The following ARHGAP10 variants were observed in gnomAD, a reference collection of about 807,000 sequenced individuals.
ARHGAP10 encodes Rho GTPase activating protein 10.
Under a neutral mutation model 108.6 loss-of-function variants are expected in ARHGAP10, and 87 were observed. The ratio of observed to expected loss-of-function variants is 0.80; its 90% CI spans 0.67 to 0.96. ARHGAP10 has a LOEUF of 0.96. Among genes scored for constraint, ARHGAP10 ranks in the 40% least tolerant of loss-of-function variants. The probability of loss-of-function intolerance (pLI) is 0.00; values close to 1 mark genes in which losing one functional copy is unlikely to be tolerated. For missense variants in ARHGAP10, 939 were observed against 954.5 expected, an observed-to-expected ratio of 0.98 and a Z score of 0.21; for synonymous variants, 347 against 341.1, an observed-to-expected ratio of 1.02 and a Z score of -0.19.
At chr4:147,788,184 C>T (rs1199507256) in intron 1 of ARHGAP10, among the ~76,000 whole-genome samples, 1 of 152,006 alleles carries the variant, frequency 6.6e-6, no homozygotes, top group Non-Finnish European at 1.5e-5. Flanking sequence ...TGGTGGCTTG[C>T]ACGTGTAATC....
intron 10 of ARHGAP10, among the ~76,000 whole-genome samples, chr4:147,899,985 A>T (rs3990920): frequency 0.71 from 107,320 of 151,848 alleles, 44,084 homozygotes; most frequent in Non-Finnish European, 0.92. Context: ...TTCACTTAAG[A>T]GCTACTCTGT....
intron 1 of ARHGAP10, among the ~76,000 whole-genome samples, chr4:147,801,774 A>G (rs1297018896): frequency 1.3e-5 from 2 of 152,220 alleles, no homozygotes; most frequent in East Asian, 3.8e-4. Flanking sequence ...TGTTTACTCC[A>G]CAGACATCAG....
At chr4:148,016,783 TTC>T (rs1044937749) in intron 18 of ARHGAP10, among the ~76,000 whole-genome samples, 1 of 152,118 alleles carries the variant, frequency 6.6e-6, no homozygotes, top group Non-Finnish European at 1.5e-5. Flanking sequence ...CCTCCAGAAA[TTC>T]TGACTGGCTT....
At chr4:148,019,324 A>G (rs921787311) in intron 18 of ARHGAP10, among the ~76,000 whole-genome samples, 3 of 152,234 alleles carry the variant, frequency 2.0e-5, no homozygotes, top group Admixed American at 1.3e-4. Context: ...AATAGCTACT[A>G]TTTATTTCTG....
intron 20 of ARHGAP10, 119 bp from the exon 21 acceptor site, chr4:148,063,029 C>A (rs1578841339): frequency 2.4e-6 from 3 of 1,269,256 alleles, no homozygotes; most frequent in Non-Finnish European, 3.3e-6. Flanking sequence ...GACTCTGTCC[C>A]TACTGGTCAG....
intron 3 of ARHGAP10, among the ~76,000 whole-genome samples, chr4:147,845,957 G>A (rs1733613801): frequency 6.6e-6 from 1 of 152,208 alleles, no homozygotes; most frequent in South Asian, 2.1e-4. Flanking sequence ...GGTCTAAAAT[G>A]TAGAGAGGAT....
intron 18 of ARHGAP10, among the ~76,000 whole-genome samples, chr4:147,979,847 AT>A (rs1739744036): frequency 6.6e-6 from 1 of 152,114 alleles, no homozygotes; most frequent in Admixed American, 6.6e-5. Context: ...GATGTTACTG[AT>A]ATAAAGAAAT....
At chr4:147,938,896 T>A (rs1738057355) in intron 13 of ARHGAP10, among the ~76,000 whole-genome samples, 1 of 152,214 alleles carries the variant, frequency 6.6e-6, no homozygotes, top group Non-Finnish European at 1.5e-5. Context: ...TATGAAAATT[T>A]TCAAGCATAA....
At chr4:147,924,609 A>T (rs1274583962) in intron 13 of ARHGAP10, among the ~76,000 whole-genome samples, 1 of 152,224 alleles carries the variant, frequency 6.6e-6, no homozygotes, top group Non-Finnish European at 1.5e-5. Flanking sequence ...CAGAGTAGGC[A>T]TGCTAGGCTT....
Position 147,857,657 on chromosome 4 carries a change from A to G in ARHGAP10, c.486+3A>G, listed in dbSNP as rs934042607. The G allele has an allele frequency of 1.1e-5, 16 of 1,453,988 alleles. No individual in the cohort carries two copies. Among genetic ancestry groups the G allele is most frequent in the Non-Finnish European group, 1.4e-5 (15 of 1,101,764 alleles). 90.1% of individuals were successfully genotyped at this position (1,453,988 alleles called of 1,614,324 possible). On this transcript the variant is annotated splice_donor_region_variant and intron_variant, in intron 5 of 22. Transcript: ENST00000336498. ...AGAAAGACTCACATTTACAAGAGGT[A>G]TAATTTTTTATTTTTCTGTTACGTT...
At chr4:147,815,767 G>A (rs1732217689) in intron 1 of ARHGAP10, among the ~76,000 whole-genome samples, 1 of 152,160 alleles carries the variant, frequency 6.6e-6, no homozygotes, top group African/African-American at 2.4e-5. Flanking sequence ...TCAAGAGGTT[G>A]AGGTGGGAGT....
chr4:147,787,453 G>GT (rs1730932129), intron 1 of ARHGAP10, among the ~76,000 whole-genome samples: 1 of 18,764 alleles, frequency 5.3e-5, no homozygotes, highest in East Asian at 0.017. Context: ...TGATGGAAGC[G>GT]GTGGGGGAGG....
At chr4:147,773,885 C>T (rs1332029612) in intron 1 of ARHGAP10, among the ~76,000 whole-genome samples, 1 of 152,046 alleles carries the variant, frequency 6.6e-6, no homozygotes, top group East Asian at 1.9e-4. Flanking sequence ...TTCTTTAGTC[C>T]TTGATTTGTT....
At chr4:148,068,931 G>A (rs1382948589) in intron 22 of ARHGAP10, among the ~76,000 whole-genome samples, 1 of 152,196 alleles carries the variant, frequency 6.6e-6, no homozygotes, top group Non-Finnish European at 1.5e-5. Flanking sequence ...TGGTCTAAAG[G>A]CTGTGAGGAC....
At chr4:148,011,065 A>G (rs1039985636) in intron 18 of ARHGAP10, among the ~76,000 whole-genome samples, 1 of 152,238 alleles carries the variant, frequency 6.6e-6, no homozygotes, top group Non-Finnish European at 1.5e-5. Context: ...CTTCACAATT[A>G]GATTCAAGTT....
intron 9 of ARHGAP10, among the ~76,000 whole-genome samples, chr4:147,880,983 T>A (rs886394332): frequency 6.6e-6 from 1 of 152,166 alleles, no homozygotes; most frequent in Non-Finnish European, 1.5e-5. Context: ...CCTTTGAAAA[T>A]TAACATTTGG....
At chr4:147,798,682 G>A (rs1413435722) in intron 1 of ARHGAP10, among the ~76,000 whole-genome samples, 1 of 150,184 alleles carries the variant, frequency 6.7e-6, no homozygotes, top group Non-Finnish European at 1.5e-5. Flanking sequence ...AGCACTTTGG[G>A]AGGCCAAGGT....
chr4:148,009,203 C>T (rs559261088), intron 18 of ARHGAP10, among the ~76,000 whole-genome samples: 31 of 151,604 alleles, frequency 2.0e-4, no homozygotes, highest in South Asian at 8.3e-4. Context: ...TAATATAGGC[C>T]CACTGCAACC....
intron 20 of ARHGAP10, among the ~76,000 whole-genome samples, chr4:148,055,417 G>A (rs963038338): frequency 1.3e-5 from 2 of 152,142 alleles, no homozygotes; most frequent in Non-Finnish European, 1.5e-5. Flanking sequence ...AGCTGGGCGC[G>A]GTGGCATACG....
Sources: gnomAD v4.1 joint callset for allele counts (sites outside exome capture counted in the v4.1 genomes callset) on GRCh38, gnomAD v4.1.1 for gene constraint, MANE v1.5 for transcripts, NCBI Gene and HGNC (gene_info 2026-07-23, HGNC 2026-07-21) for gene names.